Variants in NUDT19 observed in about 807,000 individuals in gnomAD.
NUDT19 encodes nudix hydrolase 19, also known as acyl-coenzyme A diphosphatase NUDT19.
In NUDT19, 31 loss-of-function variants were observed where a neutral mutation model predicts 22.2. That is an observed-to-expected ratio of 1.40 (90% CI 1.05 to 1.89). NUDT19 has a LOEUF of 1.89. Among genes scored for constraint, NUDT19 ranks in the 40% most tolerant of loss-of-function variants. The pLI, the probability that NUDT19 is intolerant of heterozygous loss-of-function variation, is 0.00. For missense variants in NUDT19, 752 were observed against 514.2 expected, an observed-to-expected ratio of 1.46 and a Z score of -4.47; for synonymous variants, 325 against 230.8, an observed-to-expected ratio of 1.41 and a Z score of -3.70.
rs765409429 is a variant in NUDT19, at chr19:32,692,533, C to A, written c.573C>A (p.Ile191=). The A allele has an allele frequency of 6.3e-7, 1 of 1,589,166 alleles. No homozygotes were observed. The highest frequency in any genetic ancestry group is 1.1e-5 in the South Asian group (1 of 87,898). Residue 191 remains isoleucine, a synonymous_variant, in exon 1 of 3, where the codon ATC becomes ATA. Coordinates refer to ENST00000397061, the MANE Select transcript of NUDT19 (RefSeq NM_001105570.2). ...LCAHLDCTPD[I]WALHNWSAWL... is the part of the protein sequence containing the mutation. ...CCCACCTCGACTGCACACCCGACATCTGGGCGCTGCACAACTGGAGCGCCT... is the reference window on the plus strand; with the variant it reads ...CCCACCTCGACTGCACACCCGACATATGGGCGCTGCACAACTGGAGCGCCT...
At position 32,711,884 on chromosome 19, in the gene NUDT19, T is replaced by G; in HGVS notation, c.1055T>G (p.Ile352Ser). The change falls in exon 3 of 3, where the codon ATC becomes AGC. Residue 352 changes from isoleucine to serine, a missense_variant. Physicochemically the swap from Ile to Ser is moderately radical, Grantham distance 142 (BLOSUM62 -2). Transcript: ENST00000397061. ...IVTYHRHLYD[I>S]HVTVQPKYKH... Reference sequence around the variant, plus strand: ...ACATACCATCGCCACCTTTATGATATCCACGTGACTGTTCAGCCAAAGTAT... The same window carrying G: ...ACATACCATCGCCACCTTTATGATAGCCACGTGACTGTTCAGCCAAAGTAT... 6 of 1,613,998 alleles carry G rather than the reference T, an allele frequency of 3.7e-6. No homozygotes were observed. The highest frequency in any genetic ancestry group is 5.1e-6 in the Non-Finnish European group (6 of 1,179,944).
chr19:32,700,058 A>G (rs775635287), intron 1 of NUDT19, among the ~76,000 whole-genome samples: 8 of 152,244 alleles, frequency 5.3e-5, no homozygotes, highest in Non-Finnish European at 7.3e-5. Context: ...AAGGTAGTGT[A>G]AACCCAAAGA....
chr19:32,695,069 G>A (rs1384366024), intron 1 of NUDT19, among the ~76,000 whole-genome samples: 2 of 152,256 alleles, frequency 1.3e-5, no homozygotes, highest in African/African-American at 4.8e-5. Flanking sequence ...CAGGTTGTCA[G>A]TGGCCTCAGT....
At chr19:32,697,656 T>C (rs947694471) in intron 1 of NUDT19, among the ~76,000 whole-genome samples, 9 of 152,184 alleles carry the variant, frequency 5.9e-5, no homozygotes, top group African/African-American at 2.2e-4. Flanking sequence ...TCAACTGTCA[T>C]TCTATCATTT....
chr19:32,695,986 C>G (rs1262077374), intron 1 of NUDT19, among the ~76,000 whole-genome samples: 1 of 152,214 alleles, frequency 6.6e-6, no homozygotes, highest in Non-Finnish European at 1.5e-5. Context: ...CTTCGTATCC[C>G]ATTTTCCACA....
At chr19:32,703,363 A>C (rs1003131033) in intron 1 of NUDT19, among the ~76,000 whole-genome samples, 1 of 151,676 alleles carries the variant, frequency 6.6e-6, no homozygotes, top group Non-Finnish European at 1.5e-5. Context: ...CTATTTTTTT[A>C]TTGAGATGGA....
chr19:32,712,376 C>CATT lies in NUDT19; in HGVS notation c.*419_*420insATT, dbSNP rs2145370312. 1.7e-5 allele frequency: 1 copy of CATT among 58,720 alleles called. No individual in the cohort carries two copies. Among genetic ancestry groups the CATT allele is most frequent in the South Asian group, 6.4e-4 (1 of 1,560 alleles). 3.6% of individuals were successfully genotyped at this position (58,720 alleles called of 1,614,324 possible). ...ACAGGTGTGGGCCACCACACCCAGCCTTTTTTTTTTTTTTTTTTTTTTTTT... is the reference window on the plus strand; with the variant it reads ...ACAGGTGTGGGCCACCACACCCAGCCATTTTTTTTTTTTTTTTTTTTTTTTTTT... On this transcript the variant is annotated 3_prime_UTR_variant, in exon 3 of 3. Transcript: ENST00000397061.
intron 1 of NUDT19, among the ~76,000 whole-genome samples, chr19:32,699,943 C>T (rs1968314935): frequency 6.6e-6 from 1 of 152,038 alleles, no homozygotes; most frequent in African/African-American, 2.4e-5. Context: ...TGTTACAGCT[C>T]TTAAAGGTGG....
intron 2 of NUDT19, among the ~76,000 whole-genome samples, chr19:32,711,113 G>C (rs1028657360): frequency 1.7e-4 from 26 of 152,112 alleles, no homozygotes; most frequent in African/African-American, 6.3e-4. Context: ...ACCAGTCACA[G>C]ATGTTTATGG....
chr19:32,707,028 GTAGC>G (rs1968393932), intron 1 of NUDT19, among the ~76,000 whole-genome samples: 2 of 152,286 alleles, frequency 1.3e-5, no homozygotes, highest in East Asian at 3.9e-4. Context: ...ACCTCCCATT[GTAGC>G]CTCCCAGGTG....
At chr19:32,701,288 C>G (rs1378016153) in intron 1 of NUDT19, among the ~76,000 whole-genome samples, 3 of 143,082 alleles carry the variant, frequency 2.1e-5, no homozygotes. Context: ...TCACTGAAAC[C>G]TCTGCCTCCC....
At chr19:32,708,076 G>A (rs905826435) in intron 1 of NUDT19, among the ~76,000 whole-genome samples, 13 of 151,384 alleles carry the variant, frequency 8.6e-5, no homozygotes, top group African/African-American at 3.2e-4. Flanking sequence ...TTGAACCCGG[G>A]AAGTAGAGGT....
At chr19:32,699,274 G>A (rs929843917) in intron 1 of NUDT19, among the ~76,000 whole-genome samples, 4 of 152,204 alleles carry the variant, frequency 2.6e-5, no homozygotes, top group Non-Finnish European at 5.9e-5. Flanking sequence ...AAAGAAAGGC[G>A]AGAGGAAGTT....
intron 1 of NUDT19, among the ~76,000 whole-genome samples, chr19:32,704,636 C>G (rs1413051458): frequency 6.6e-6 from 1 of 152,100 alleles, no homozygotes; most frequent in African/African-American, 2.4e-5. Flanking sequence ...GTTTTTAATG[C>G]CCTTTTCTGC....
chr19:32,693,843 C>T (rs950552419), intron 1 of NUDT19, among the ~76,000 whole-genome samples: 3 of 152,194 alleles, frequency 2.0e-5, no homozygotes, highest in African/African-American at 7.2e-5. Flanking sequence ...AGTCCAGGGG[C>T]TTCACCTCTC....
chr19:32,692,428 C>T lies in NUDT19; in HGVS notation c.468C>T (p.Leu156=). The T allele has an allele frequency of 2.6e-6, 4 of 1,551,142 alleles. No individual in the cohort carries two copies. Among genetic ancestry groups the T allele is most frequent in the Non-Finnish European group, 3.5e-6 (4 of 1,155,576 alleles). ...CAGGCCCAGCACCCGGGCCTGGCCT[C>T]GCCCTGGAGCCACCGCCGGGCCTGG... ...SPPGPAPGPG[L]ALEPPPGLAS... The change falls in exon 1 of 3, where the codon CTC becomes CTT. Residue 156 remains leucine, a synonymous_variant. Transcript: ENST00000397061.
At chr19:32,698,418 G>A (rs1418762231) in intron 1 of NUDT19, among the ~76,000 whole-genome samples, 2 of 152,046 alleles carry the variant, frequency 1.3e-5, no homozygotes, top group African/African-American at 4.8e-5. Flanking sequence ...AAAACCGCCT[G>A]TGGTTTTGGT....
chr19:32,699,989 C>T (rs559783501), intron 1 of NUDT19, among the ~76,000 whole-genome samples: 21 of 152,004 alleles, frequency 1.4e-4, no homozygotes, highest in Non-Finnish European at 4.4e-5. Flanking sequence ...TGGTGCGTTC[C>T]TGGTCTCGCT....
Position 32,711,864 on chromosome 19 carries a change from C to T in NUDT19, c.1035C>T (p.Tyr345=), listed in dbSNP as rs1186550293. Residue 345 remains tyrosine (Y), a synonymous_variant, in exon 3 of 3, where the codon TAC becomes TAT. Transcript: ENST00000397061. ...AGCAGTTTCACCGGATAGTGACATA[C>T]CATCGCCACCTTTATGATATCCACG... The part of the protein sequence containing the change: ...EGKQFHRIVT[Y]HRHLYDIHVT... The T allele has an allele frequency of 1.2e-6, 2 of 1,613,054 alleles. No homozygotes were observed. The highest frequency in any genetic ancestry group is 2.7e-5 in the African/African-American group (2 of 74,856).
Sources: allele counts gnomAD v4.1 joint callset (sites outside exome capture counted in the v4.1 genomes callset), GRCh38; gene constraint gnomAD v4.1.1; transcripts MANE v1.5; gene names NCBI Gene and HGNC (gene_info 2026-07-23, HGNC 2026-07-21).